CCDC102A: variants seen among roughly 807,000 people sequenced by gnomAD.
CCDC102A encodes the protein coiled-coil domain containing 102A, also known as coiled-coil domain-containing protein 102A.
Under a neutral mutation model 55.5 loss-of-function variants are expected in CCDC102A, and 40 were observed. The ratio of observed to expected loss-of-function variants is 0.72; its 90% CI spans 0.56 to 0.94. The LOEUF is 0.94. Among genes scored for constraint, CCDC102A ranks in the 40% least tolerant of loss-of-function variants. CCDC102A has a pLI of 0.00. For missense variants in CCDC102A, 779 were observed against 768.6 expected (o/e 1.01, Z -0.16); for synonymous variants, 323 against 339.0 (o/e 0.95, Z 0.52).
rs769553969 is a variant in CCDC102A at position 57,513,832 on chromosome 16, C to T, written c.1524-962G>A. ...CCAGGCAGATGGGGAAATCGAGGCTCAGTTTACCATGGCACAATAGCTGTT... is the reference window on the plus strand; with the variant it reads ...CCAGGCAGATGGGGAAATCGAGGCTTAGTTTACCATGGCACAATAGCTGTT... On this transcript the variant is annotated intron_variant, in intron 8 of 8. Transcript: ENST00000258214. Among the ~76,000 whole-genome samples, 5 of 152,220 alleles carry T rather than the reference C, an allele frequency of 3.3e-5. No homozygotes were observed. The South Asian group carries it at 1.0e-3, about 32-fold the overall frequency.
At chr16:57,526,619 G>A (rs1051939316) in intron 2 of CCDC102A, among the ~76,000 whole-genome samples, 13 of 152,180 alleles carry the variant, frequency 8.5e-5, no homozygotes, top group African/African-American at 2.9e-4. Flanking sequence ...TAGGAACCCA[G>A]GGCCGAGCCC....
At chr16:57,533,605 C>T (rs529535910) in intron 1 of CCDC102A, among the ~76,000 whole-genome samples, 1 of 147,770 alleles carries the variant, frequency 6.8e-6, no homozygotes. Context: ...CACATGGCCC[C>T]AGGGACCCGC....
At chr16:57,519,461 A>C (rs924295403) in intron 4 of CCDC102A, among the ~76,000 whole-genome samples, 3 of 152,228 alleles carry the variant, frequency 2.0e-5, no homozygotes, top group Non-Finnish European at 4.4e-5. Flanking sequence ...CCCTCAGTGT[A>C]CAGTGACTAA....
In CCDC102A at chr16:57,518,060, T is replaced by C. The variant is rs756534460; in HGVS notation, c.1248+8A>G. The stretch of plus-strand genomic sequence containing the variant: ...CCCCAGCACTGGCCACTCCACTCCT[T>C]GCCCCACCTTGTTCTTCTCGAAGAG... On this transcript the variant is annotated splice_region_variant and intron_variant, in intron 6 of 8. Coordinates refer to ENST00000258214, the MANE Select transcript of CCDC102A (RefSeq NM_033212.4). The C allele has an allele frequency of 8.2e-6, 13 of 1,588,934 alleles. No individual in the cohort carries two copies. The South Asian group carries it at 1.4e-4, about 18-fold the overall frequency.
chr16:57,513,409 C>G (rs1450384899), intron 8 of CCDC102A, among the ~76,000 whole-genome samples: 3 of 152,272 alleles, frequency 2.0e-5, no homozygotes, highest in East Asian at 3.8e-4. Context: ...CCCAACCCCC[C>G]AGCAAAGTGG....
intron 3 of CCDC102A, among the ~76,000 whole-genome samples, chr16:57,524,257 G>T (rs1328803314): frequency 1.3e-5 from 2 of 151,926 alleles, no homozygotes; most frequent in Non-Finnish European, 2.9e-5. Flanking sequence ...GGCCAGTGCT[G>T]GGGCCGCCAC....
At chr16:57,536,287 G>A (rs1221224203) in intron 1 of CCDC102A, among the ~76,000 whole-genome samples, 2 of 147,228 alleles carry the variant, frequency 1.4e-5, no homozygotes, top group Non-Finnish European at 3.0e-5. Flanking sequence ...CCTCCCCACC[G>A]GAGACCTGGG....
At chr16:57,524,162 A>T (rs113728860) in intron 3 of CCDC102A, among the ~76,000 whole-genome samples, 3 of 152,120 alleles carry the variant, frequency 2.0e-5, no homozygotes, top group African/African-American at 7.2e-5. Context: ...CAAGCCTTGC[A>T]GGGAACATAG....
At position 57,512,544 on chromosome 16, in the gene CCDC102A, A is replaced by G. The variant is rs1481993804; in HGVS notation, c.*197T>C. 8.1e-6 allele frequency: 5 copies of G among 614,552 alleles called. No individual in the cohort carries two copies. The highest frequency in any genetic ancestry group is 1.4e-5 in the Non-Finnish European group (5 of 357,636). 38.1% of individuals were successfully genotyped at this position (614,552 alleles called of 1,614,324 possible). On this transcript the variant is annotated 3_prime_UTR_variant, in exon 9 of 9. Coordinates refer to ENST00000258214, the MANE Select transcript of CCDC102A (RefSeq NM_033212.4). ...CGCGCGCGCGCGTGTGTGTATATAT[A>G]TATATAAAACATAGGCTTCCTTTCC... is the stretch of plus-strand genomic sequence containing the variant.
Position 57,528,919 on chromosome 16 carries a change from CCCGCGCCCGCGCCTCCTCCAGCT to C in CCDC102A, c.236_258del (p.Glu79GlyfsTer28). On this transcript the variant is annotated frameshift_variant, in exon 2 of 9. Coordinates refer to ENST00000258214, the MANE Select transcript of CCDC102A (RefSeq NM_033212.4). LOFTEE classifies it high-confidence loss of function. Reference sequence around the variant, plus strand: ...CGCATGGTCTTCTCCATCTGCGCCGCCCGCGCCCGCGCCTCCTCCAGCTCCCGCAGCCGCAGCTCCTCGCGGCT... The same window carrying C: ...CGCATGGTCTTCTCCATCTGCGCCGCCCCGCAGCCGCAGCTCCTCGCGGCT... 1.4e-6 allele frequency: 2 copies of C among 1,399,878 alleles called. No individual in the cohort carries two copies. Among genetic ancestry groups the C allele is most frequent in the Non-Finnish European group, 1.9e-6 (2 of 1,067,166 alleles). The allele number at this position is 1,399,878 out of a possible 1,614,324, so 86.7% of individuals were successfully genotyped here.
chr16:57,522,986 G>C (rs1170799004), intron 3 of CCDC102A, among the ~76,000 whole-genome samples: 2 of 152,204 alleles, frequency 1.3e-5, no homozygotes, highest in Non-Finnish European at 2.9e-5. Context: ...GGGCAACATG[G>C]TGAAAACCTG....
chr16:57,518,415 G>C, intron 5 of CCDC102A, 138 bp from the exon 6 acceptor site: 1 of 877,280 alleles, frequency 1.1e-6, no homozygotes, highest in Non-Finnish European at 1.7e-6. Context: ...ATTAAGCTGG[G>C]CTCATTTCAT....
intron 3 of CCDC102A, among the ~76,000 whole-genome samples, chr16:57,522,035 C>T (rs781753830): frequency 2.6e-5 from 4 of 152,318 alleles, no homozygotes; most frequent in Middle Eastern, 3.4e-3. Flanking sequence ...CCTGCAATGC[C>T]CTGGGCGTCC....
intron 1 of CCDC102A, among the ~76,000 whole-genome samples, chr16:57,532,689 A>G (rs72791636): frequency 0.024 from 3,078 of 129,868 alleles, 44 homozygotes; most frequent in Admixed American, 0.029. Context: ...CTCATCCCCA[A>G]GTGAAGCAGA....
chr16:57,515,444 G>T lies in CCDC102A; in HGVS notation c.1420C>A (p.Leu474Met), dbSNP rs1271578430. 1 of 1,597,070 alleles carries T rather than the reference G, an allele frequency of 6.3e-7. No individual in the cohort carries two copies. The change falls in exon 8 of 9, where the codon CTG becomes ATG. Residue 474 changes from leucine (L) to methionine (M), a missense_variant and splice_region_variant. Coordinates refer to ENST00000258214, the MANE Select transcript of CCDC102A (RefSeq NM_033212.4). ...CGTGCCTGGTTGTGGGCCTCGTCCA[G>T]CTGTGGGGGTGAGCAGGGCCGAAAG... ...KKELAQAEDE[L>M]DEAHNQARKL...
At position 57,528,897 on chromosome 16, in the gene CCDC102A, A is replaced by T. The variant is rs1439214664; in HGVS notation, c.281T>A (p.Met94Lys). ...RARAAQMEKT[M>K]RRWSDCTANW... ...GGCAGTGCAGTCCGACCACCGGCGC[A>T]TGGTCTTCTCCATCTGCGCCGCCCG... Residue 94 changes from methionine (M) to lysine (K), a missense_variant, in exon 2 of 9, where the codon ATG becomes AAG. By Grantham distance (95) the Met-to-Lys change is moderately conservative (BLOSUM62 -1). Transcript: ENST00000258214. 1 of 1,402,726 alleles carries T rather than the reference A, an allele frequency of 7.1e-7. No homozygotes were observed. Among genetic ancestry groups the T allele is most frequent in the Non-Finnish European group, 9.3e-7 (1 of 1,070,760 alleles). 86.9% of individuals were successfully genotyped at this position (1,402,726 alleles called of 1,614,324 possible).
chr16:57,515,528 G>C lies in CCDC102A; in HGVS notation c.1420-84C>G, dbSNP rs2146697893. The C allele has an allele frequency of 3.7e-6, 3 of 801,608 alleles. No individual in the cohort carries two copies. In the South Asian group the frequency reaches 4.3e-5, roughly 12 times the overall value. The allele number at this position is 801,608 out of a possible 1,614,324, so 49.7% of individuals were successfully genotyped here. On this transcript the variant is annotated intron_variant, in intron 7 of 8. Coordinates refer to ENST00000258214, the MANE Select transcript of CCDC102A (RefSeq NM_033212.4). ...CACCCGCCCAGGGAAAACCACTCCT[G>C]CTGTTCCCTGGGAAGGTGCTCCTCC...
Position 57,512,849 on chromosome 16 carries a change from G to C in CCDC102A, c.1545C>G (p.Asn515Lys). ...TGCGGATCTTCCCGAAGAGGGGAGC[G>C]TTCTGCTGCTGCCTGCGGAGCCTGT... ...LQSRLRRQQQ[N>K]APLFGKIRSA... The change falls in exon 9 of 9, where the codon AAC (asparagine) becomes AAG (lysine). Residue 515 changes from asparagine to lysine, a missense_variant. Physicochemically the swap from Asn to Lys is moderately conservative, Grantham distance 94. Transcript: ENST00000258214. The C allele has an allele frequency of 6.2e-7, 1 of 1,613,900 alleles. No homozygotes were observed. Among genetic ancestry groups the C allele is most frequent in the Non-Finnish European group, 8.5e-7 (1 of 1,179,940 alleles).
rs74831774 is a variant in CCDC102A, at chr16:57,527,217, C to G, written c.586-1090G>C. 2.2e-4 allele frequency among the ~76,000 whole-genome samples: 33 copies of G among 152,290 alleles called. No homozygotes were observed. In the East Asian group the frequency reaches 4.1e-3, roughly 19 times the overall value. ...GGAGTTGGCCTGTCCAGGGACTGAG[C>G]TGGGGACAGAGCTGGGGAACTGAGC... On this transcript the variant is annotated intron_variant, in intron 2 of 8. Coordinates refer to ENST00000258214, the MANE Select transcript of CCDC102A (RefSeq NM_033212.4).
Sources: allele counts gnomAD v4.1 joint callset (sites outside exome capture counted in the v4.1 genomes callset), GRCh38; gene constraint gnomAD v4.1.1; transcripts MANE v1.5; gene names NCBI Gene and HGNC (gene_info 2026-07-23, HGNC 2026-07-21).